Variants in ANKRD26 observed in about 807,000 individuals in gnomAD.
The protein encoded by ANKRD26 is ankyrin repeat domain-containing protein 26.
In ANKRD26, 141 loss-of-function variants were observed where a neutral mutation model predicts 208.7. That is an observed-to-expected ratio of 0.68 (90% CI 0.59 to 0.78). The LOEUF is 0.78. Among genes scored for constraint, ANKRD26 ranks in the 30% least tolerant of loss-of-function variants. The probability of loss-of-function intolerance (pLI) is 0.00; values close to 1 mark genes in which losing one functional copy is unlikely to be tolerated. For missense variants in ANKRD26, 1,889 were observed against 1,938.7 expected (o/e 0.97, Z 0.48); for synonymous variants, 636 against 660.4 (o/e 0.96, Z 0.57).
At chr10:26,965,316 G>A in the ANKRD26 span, among the ~76,000 whole-genome samples, 1 of 152,076 alleles carries the variant, frequency 6.6e-6, no homozygotes, top group African/African-American at 2.4e-5. Flanking sequence ...AGAGCCCTCA[G>A]AAATAATGCC....
chr10:27,048,921 T>C lies in ANKRD26; in HGVS notation c.1694A>G (p.His565Arg), dbSNP rs368474530. ...NNEMEVSANI[H>R]DGATDDAEDD... Reference sequence around the variant, plus strand: ...TTCAGCATCATCAGTAGCACCATCATGTATGTTTGCTGATACTTCCATTTC... The same window carrying C: ...TTCAGCATCATCAGTAGCACCATCACGTATGTTTGCTGATACTTCCATTTC... Residue 565 changes from histidine to arginine, a missense_variant, in exon 17 of 34, where the codon CAT becomes CGT. Physicochemically the swap from His to Arg is conservative, Grantham distance 29 (BLOSUM62 0). Transcript: ENST00000376087. 6.2e-7 allele frequency: 1 copy of C among 1,611,694 alleles called. No homozygotes were observed. The highest frequency in any genetic ancestry group is 1.3e-5 in the African/African-American group (1 of 74,898).
In ANKRD26 at chr10:26,992,651, C is replaced by T. The variant is rs534385091; in HGVS notation, c.*30-646G>A. Among the ~76,000 whole-genome samples, 7 of 152,230 alleles carry T rather than the reference C, an allele frequency of 4.6e-5. No individual in the cohort carries two copies. The East Asian group carries it at 1.3e-3, about 29-fold the overall frequency. On this transcript the variant is annotated intron_variant, in intron 5 of 5. Coordinates refer to the ANKRD26 transcript ENST00000445828. ...TCTAGCCTTTTTGGTTGCATGTTGA[C>T]TTACTTGCAAGAATATACTATTACA...
intron 2 of ANKRD26, 22 bp downstream of exon 2, chr10:27,093,663 G>T (rs2056372605): frequency 3.1e-6 from 5 of 1,607,182 alleles, no homozygotes; most frequent in Non-Finnish European, 4.3e-6. Flanking sequence ...ATCTGATGCT[G>T]AAAGAGCTGG....
At chr10:27,078,989 C>G in intron 7 of ANKRD26, 100 bp downstream of exon 7, 1 of 877,010 alleles carries the variant, frequency 1.1e-6, no homozygotes. Flanking sequence ...CCATTACAAA[C>G]AGAAAACAAT....
intron 4 of ANKRD26, chr10:27,088,406 TA>T (rs2056191901): frequency 6.6e-6 from 1 of 152,194 alleles, no homozygotes; most frequent in African/African-American, 2.4e-5. Flanking sequence ...AATTTTAGTA[TA>T]TGTGCTGCTG....
intron 17 of ANKRD26, among the ~76,000 whole-genome samples, chr10:27,047,274 T>C (rs1264336286): frequency 6.6e-6 from 1 of 152,206 alleles, no homozygotes; most frequent in Non-Finnish European, 1.5e-5. Flanking sequence ...CTATATGTCA[T>C]TATATGCAGT....
In ANKRD26 at chr10:27,063,403, C is replaced by A. The variant is rs183552026; in HGVS notation, c.1363+585G>T. On this transcript the variant is annotated intron_variant, in intron 12 of 33. Transcript: ENST00000376087. ...TGACGTGATCTCAGCTCACTGCCAC[C>A]TCCACCTCCCAGGTTCAAACAAATC... 3.1e-3 allele frequency among the ~76,000 whole-genome samples: 473 copies of A among 152,210 alleles called. 3 individuals are homozygous for A. Among genetic ancestry groups the A allele is most frequent in the African/African-American group, 0.011 (445 of 41,538 alleles).
chr10:27,058,765 A>G (rs1316646040), intron 15 of ANKRD26, among the ~76,000 whole-genome samples: 1 of 150,886 alleles, frequency 6.6e-6, no homozygotes. Flanking sequence ...TTTAGTAGAG[A>G]CGGGGTTTCA....
rs28477279 is a variant in ANKRD26 at position 27,046,470 on chromosome 10, C to T, written c.1868G>A (p.Arg623Gln). The change falls in exon 18 of 34, where the codon CGG becomes CAG. Residue 623 changes from arginine to glutamine, a missense_variant. Physicochemically the swap from Arg to Gln is conservative, Grantham distance 43. Around this residue, in one of 3 missense-constraint regions of ANKRD26, gnomAD observed 1,272 missense variants for 1,273.8 expected, o/e 1.00. Coordinates refer to ENST00000376087, the MANE Select transcript of ANKRD26 (RefSeq NM_014915.3). ...TGAATTCACAGATTCTTTCGAGGTCCGTTTTTCTTTTTCAGTGCTCTTTAC... is the reference window on the plus strand; with the variant it reads ...TGAATTCACAGATTCTTTCGAGGTCTGTTTTTCTTTTTCAGTGCTCTTTAC... The part of the protein sequence containing the change: ...KEVKSTEKEK[R>Q]TSKESVNSPV... 4.4e-3 allele frequency: 7,179 copies of T among 1,613,942 alleles called. 227 individuals are homozygous for T. In the African/African-American group the frequency reaches 0.081, roughly 18 times the overall value.
At chr10:27,014,387 A>T in intron 31 of ANKRD26, 107 bp downstream of exon 31, 2 of 829,058 alleles carry the variant, frequency 2.4e-6, no homozygotes, top group Non-Finnish European at 3.8e-6. Context: ...AAATTATATT[A>T]CCTATTTAGC....
intron 9 of ANKRD26, among the ~76,000 whole-genome samples, chr10:27,070,101 TAAAAAAAAA>T (rs34493349): frequency 1.4e-4 from 15 of 109,120 alleles, no homozygotes; most frequent in Non-Finnish European, 2.4e-4. Context: ...ACTCTGTATT[TAAAAAAAAA>T]AAAAAAAAAA....
chr10:26,958,135 T>C, the ANKRD26 span, among the ~76,000 whole-genome samples: 1 of 151,394 alleles, frequency 6.6e-6, no homozygotes, highest in African/African-American at 2.4e-5. Context: ...AAGGCTGGAG[T>C]CCAGTGGCAC....
downstream of ANKRD26, among the ~76,000 whole-genome samples, chr10:26,970,899 T>A (rs111248695): frequency 0.021 from 3,248 of 152,318 alleles, 70 homozygotes; most frequent in Middle Eastern, 0.037. Flanking sequence ...GGGACATGAT[T>A]ATTTAGGTTT....
intron 29 of ANKRD26, among the ~76,000 whole-genome samples, chr10:27,020,888 C>G (rs2053464204): frequency 6.6e-6 from 1 of 152,096 alleles, no homozygotes. Context: ...CTCGGAACTC[C>G]TGACTTCAGG....
At chr10:27,078,910 T>TAAAAAAAA (rs71281564) in intron 7 of ANKRD26, among the ~76,000 whole-genome samples, 179 bp downstream of exon 7, 1 of 74,594 alleles carries the variant, frequency 1.3e-5, no homozygotes, top group Non-Finnish European at 2.9e-5. Context: ...TTTACCAAAG[T>TAAAAAAAA]AAAAAAAAAA....
intron 15 of ANKRD26, among the ~76,000 whole-genome samples, chr10:27,059,556 CCAAAGT>C (rs2054972931): frequency 6.6e-6 from 1 of 152,052 alleles, no homozygotes; most frequent in African/African-American, 2.4e-5. Flanking sequence ...TAAAAGGACC[CCAAAGT>C]CAAAAAGTTT....
chr10:27,001,656 T>C (rs1057015510), downstream of ANKRD26, among the ~76,000 whole-genome samples: 9 of 152,240 alleles, frequency 5.9e-5, no homozygotes, highest in Non-Finnish European at 1.3e-4. Flanking sequence ...GTTCTCTGCC[T>C]GGCCAGTGCC....
At chr10:27,062,560 G>A (rs1163498470) in intron 12 of ANKRD26, among the ~76,000 whole-genome samples, 1 of 152,152 alleles carries the variant, frequency 6.6e-6, no homozygotes, top group African/African-American at 2.4e-5. Context: ...ATTCTTTTAT[G>A]TTAGATTGCC....
At chr10:27,071,615 A>G (rs1281653275) in intron 9 of ANKRD26, among the ~76,000 whole-genome samples, 3 of 152,156 alleles carry the variant, frequency 2.0e-5, no homozygotes, top group Non-Finnish European at 2.9e-5. Flanking sequence ...TTTGCGCTGC[A>G]AACTTTTTTC....
Sources: allele counts gnomAD v4.1 joint callset (sites outside exome capture counted in the v4.1 genomes callset), GRCh38; gene constraint gnomAD v4.1.1; regional missense constraint gnomAD v4.1.1; transcripts MANE v1.5; gene names NCBI Gene and HGNC (gene_info 2026-07-23, HGNC 2026-07-21).